RBFOX1: variants seen among roughly 807,000 people sequenced by gnomAD.
RBFOX1 encodes the protein RNA binding protein fox-1 homolog 1.
RBFOX1 carries 8 observed loss-of-function variants against 57.7 expected under a neutral mutation model. That is an observed-to-expected ratio of 0.14 (90% CI 0.08 to 0.25). The LOEUF is 0.25. Ranked by LOEUF, RBFOX1 falls within the 10% of genes least tolerant of loss-of-function variation. The pLI, the probability that RBFOX1 is intolerant of heterozygous loss-of-function variation, is 1.00. For synonymous variants in RBFOX1, 326 were observed against 222.4 expected, an observed-to-expected ratio of 1.47 and a Z score of -4.15; for missense variants, 611 against 548.5, an observed-to-expected ratio of 1.11 and a Z score of -1.14.
At chr16:6,531,502 T>G (rs879395445) in intron 2 of RBFOX1, among the ~76,000 whole-genome samples, 5 of 152,218 alleles carry the variant, frequency 3.3e-5, no homozygotes, top group Admixed American at 3.3e-4. Flanking sequence ...GGGAAAATGG[T>G]GAAATATTTT....
At chr16:5,420,393 C>T (rs199581717) in intron 1 of RBFOX1, among the ~76,000 whole-genome samples, 17 of 11,804 alleles carry the variant, frequency 1.4e-3, no homozygotes, top group African/African-American at 3.2e-3. Context: ...CCCCCATATA[C>T]ACACACACAC....
intron 2 of RBFOX1, among the ~76,000 whole-genome samples, chr16:6,633,298 A>G (rs1478159445): frequency 6.6e-6 from 1 of 151,976 alleles, no homozygotes; most frequent in African/African-American, 2.4e-5. Context: ...TTTTTTTGAG[A>G]CAGAGTGTCA....
At chr16:7,582,098 C>T (rs1423435700) in intron 6 of RBFOX1, among the ~76,000 whole-genome samples, 7 of 150,214 alleles carry the variant, frequency 4.7e-5, no homozygotes, top group East Asian at 4.1e-4. Flanking sequence ...GGCATGATCT[C>T]GGCTCATTGC....
At chr16:6,345,370 T>A (rs2085217745) in intron 2 of RBFOX1, among the ~76,000 whole-genome samples, 1 of 152,198 alleles carries the variant, frequency 6.6e-6, no homozygotes, top group Non-Finnish European at 1.5e-5. Flanking sequence ...TTTAATTACA[T>A]GGAAATTAAG....
intron 4 of RBFOX1, among the ~76,000 whole-genome samples, chr16:7,298,043 T>G (rs902611077): frequency 2.0e-5 from 3 of 152,202 alleles, no homozygotes; most frequent in South Asian, 2.1e-4. Context: ...TTTTCACATG[T>G]GAAATTTTGT....
chr16:6,937,489 A>T lies in RBFOX1; in HGVS notation c.-15-114568A>T, dbSNP rs896243593. 5.3e-5 allele frequency among the ~76,000 whole-genome samples: 8 copies of T among 152,120 alleles called. No individual in the cohort carries two copies. In the South Asian group the frequency reaches 1.7e-3, roughly 32 times the overall value. ...TAAAACGGTGAAGATATTTATTCTGAGTGACATAGGAGTGACACAGACATC... is the reference window on the plus strand; with the variant it reads ...TAAAACGGTGAAGATATTTATTCTGTGTGACATAGGAGTGACACAGACATC... On this transcript the variant is annotated intron_variant, in intron 3 of 15. Transcript: ENST00000550418.
intron 4 of RBFOX1, among the ~76,000 whole-genome samples, chr16:7,430,026 C>A (rs959951448): frequency 6.6e-6 from 1 of 152,098 alleles, no homozygotes; most frequent in African/African-American, 2.4e-5. Context: ...ATAGTTTTTC[C>A]CCAGCTCCTA....
chr16:6,429,094 G>T (rs566815102), intron 2 of RBFOX1, among the ~76,000 whole-genome samples: 1 of 152,346 alleles, frequency 6.6e-6, no homozygotes, highest in East Asian at 1.9e-4. Flanking sequence ...TTGTGTGGGG[G>T]ATTAAGGAGC....
At chr16:7,070,749 C>G (rs182757700) in intron 4 of RBFOX1, among the ~76,000 whole-genome samples, 102 of 152,306 alleles carry the variant, frequency 6.7e-4, no homozygotes, top group South Asian at 1.9e-3. Flanking sequence ...TTTCCCAAAA[C>G]TGGCCTTAAA....
At chr16:7,138,237 T>C (rs2072601296) in intron 4 of RBFOX1, among the ~76,000 whole-genome samples, 1 of 152,006 alleles carries the variant, frequency 6.6e-6, no homozygotes, top group Non-Finnish European at 1.5e-5. Flanking sequence ...TCATGAGAGA[T>C]GGTAAGATTG....
At position 6,445,995 on chromosome 16, in the gene RBFOX1, CTGTT is replaced by C. The variant is rs552138703; in HGVS notation, c.-64+128942_-64+128945del. Among the ~76,000 whole-genome samples the C allele has an allele frequency of 3.3e-5, 5 of 151,962 alleles. No individual in the cohort carries two copies. The East Asian group carries it at 9.7e-4, about 30-fold the overall frequency. On this transcript the variant is annotated intron_variant, in intron 2 of 15. Coordinates refer to ENST00000550418, the MANE Select transcript of RBFOX1 (RefSeq NM_018723.4). ...TTTTTATTTTTTAGGGATAGGGTCT[CTGTT>C]TGTCATTCAGACTGGAGCGCACTGG...
At position 7,044,161 on chromosome 16, in the gene RBFOX1, G is replaced by T. The variant is rs143535287; in HGVS notation, c.-15-7896G>T. Among the ~76,000 whole-genome samples, 342 of 152,210 alleles carry T rather than the reference G, an allele frequency of 2.2e-3. 2 individuals are homozygous for T. The highest frequency in any genetic ancestry group is 7.9e-3 in the African/African-American group (328 of 41,544). On this transcript the variant is annotated intron_variant, in intron 3 of 15. Transcript: ENST00000550418. ...GACATCCAGAAGGTGCTTGAGATAT[G>T]TGTATGTATATGTGCATGTGTGGGT... is the stretch of plus-strand genomic sequence containing the variant.
chr16:6,293,905 G>GA (rs1470471873), intron 1 of RBFOX1, among the ~76,000 whole-genome samples: 7 of 105,790 alleles, frequency 6.6e-5, no homozygotes, highest in Non-Finnish European at 1.3e-4. Context: ...CGGGGGGGTG[G>GA]TGGAAATAGA....
intron 2 of RBFOX1, among the ~76,000 whole-genome samples, chr16:6,540,380 G>A (rs2096797021): frequency 6.6e-6 from 1 of 151,718 alleles, no homozygotes. Context: ...TTGGGAGGCT[G>A]AGCTGGGTGG....
rs2094763679 is a variant in RBFOX1 at position 7,597,457 on chromosome 16, G to T, written c.622+26G>T. 4 of 1,547,966 alleles carry T rather than the reference G, an allele frequency of 2.6e-6. No homozygotes were observed. In the Admixed American group the frequency reaches 5.3e-5, roughly 21 times the overall value. ...GTAAGTAGAGATTGGCCTTTTACAA[G>T]AAATTCTCTCTACTTCTGACTCTTT... On this transcript the variant is annotated intron_variant, in intron 9 of 15. Coordinates refer to ENST00000550418, the MANE Select transcript of RBFOX1 (RefSeq NM_018723.4).
chr16:6,918,893 G>C (rs2073851791), intron 3 of RBFOX1, among the ~76,000 whole-genome samples: 2 of 152,160 alleles, frequency 1.3e-5, no homozygotes, highest in South Asian at 4.1e-4. Context: ...AGGAGAAAGT[G>C]GGGGTGGGGA....
rs191458116 is a variant in RBFOX1 at position 7,608,050 on chromosome 16, C to T, written c.676+712C>T. On this transcript the variant is annotated intron_variant, in intron 10 of 15. Transcript: ENST00000550418. ...TGGCCCGTCACTACTGCCTGTATGTCTCCTTGCTCTTGAACAAGGCTGCAT... is the reference window on the plus strand; with the variant it reads ...TGGCCCGTCACTACTGCCTGTATGTTTCCTTGCTCTTGAACAAGGCTGCAT... Among the ~76,000 whole-genome samples, 3 of 152,334 alleles carry T rather than the reference C, an allele frequency of 2.0e-5. 1 individual carries two copies. The highest frequency in any genetic ancestry group is 7.2e-5 in the African/African-American group (3 of 41,580).
At position 6,919,394 on chromosome 16, in the gene RBFOX1, C is replaced by G. The variant is rs538219319; in HGVS notation, c.-15-132663C>G. 9.9e-5 allele frequency among the ~76,000 whole-genome samples: 15 copies of G among 152,158 alleles called. 1 individual carries two copies. The highest frequency in any genetic ancestry group is 4.1e-4 in the South Asian group (2 of 4,822). On this transcript the variant is annotated intron_variant, in intron 3 of 15. Transcript: ENST00000550418. ...CCAGCAGTTTAGGTTCTCTTATTAG[C>G]TCCATTTTATAGACCAAAAAATAAA...
chr16:6,538,761 T>G (rs1345294), intron 2 of RBFOX1, among the ~76,000 whole-genome samples: 150,180 of 152,282 alleles, frequency 0.99, 74,093 homozygotes, highest in Middle Eastern at 1. Context: ...CTGTTGGTTG[T>G]TTTTTTTCAT....
Sources: allele counts gnomAD v4.1 joint callset (sites outside exome capture counted in the v4.1 genomes callset), GRCh38; gene constraint gnomAD v4.1.1; transcripts MANE v1.5; gene names NCBI Gene and HGNC (gene_info 2026-07-23, HGNC 2026-07-21).